CSGALNACT1: variants seen among roughly 807,000 people sequenced by gnomAD.
CSGALNACT1 encodes chondroitin sulfate N-acetylgalactosaminyltransferase 1.
Under a neutral mutation model 51.0 loss-of-function variants are expected in CSGALNACT1, and 52 were observed. That is an observed-to-expected ratio of 1.02 (90% confidence interval 0.82 to 1.29). CSGALNACT1 has a LOEUF of 1.29. Among genes scored for constraint, CSGALNACT1 ranks in the 50% most tolerant of loss-of-function variants. CSGALNACT1 has a pLI of 0.00. For synonymous variants in CSGALNACT1, 341 were observed against 254.4 expected (o/e 1.34, Z -3.24); for missense variants, 935 against 679.2 (o/e 1.38, Z -4.19).
At chr8:19,605,355 G>A (rs1440708257), upstream of CSGALNACT1, among the ~76,000 whole-genome samples, 1 of 152,190 alleles carries the variant, frequency 6.6e-6, no homozygotes, top group African/African-American at 2.4e-5. Context: ...AGAATGACTG[G>A]AATCTAGGAG....
rs2054023542 is a variant in CSGALNACT1, at chr8:19,405,812, G to A, written c.1567C>T (p.Gln523Ter). 1.2e-6 allele frequency: 2 copies of A among 1,614,002 alleles called. No individual in the cohort carries two copies. The highest frequency in any genetic ancestry group is 1.3e-5 in the African/African-American group (1 of 74,900). The change falls in exon 10 of 10, where the codon CAG becomes TAG. Residue 523 changes from glutamine to a stop codon, truncating the protein, a stop_gained. Coordinates refer to ENST00000454498, the Ensembl canonical transcript of CSGALNACT1. LOFTEE classifies it high-confidence loss of function. ...TTTTTGCTACTTGTCTTCTGTTTCT[G>A]TTTGCGAAGGTGAGCCTCTATCTCG... is the stretch of plus-strand genomic sequence containing the variant.
chr8:19,657,224 AGATAAACTGAAAGAT>A (rs1341822384), intron 1 of CSGALNACT1, among the ~76,000 whole-genome samples: 138 of 120,570 alleles, frequency 1.1e-3, no homozygotes, highest in African/African-American at 4.2e-3. Flanking sequence ...AGAAAGACAC[AGATAAACTGAAAGAT>A]GATAAACTGA....
intron 1 of CSGALNACT1, among the ~76,000 whole-genome samples, chr8:19,697,135 G>A (rs1312023081): frequency 6.6e-6 from 1 of 152,116 alleles, no homozygotes; most frequent in Non-Finnish European, 1.5e-5. Flanking sequence ...GAGAGTGGAG[G>A]ATGGCCAGAA....
At chr8:19,702,318 G>C (rs2061924894) in intron 1 of CSGALNACT1, among the ~76,000 whole-genome samples, 1 of 151,976 alleles carries the variant, frequency 6.6e-6, no homozygotes, top group Non-Finnish European at 1.5e-5. Flanking sequence ...TCTGAGACCA[G>C]CCTGGGCAAC....
chr8:19,535,201 A>G (rs544684355), intron 3 of CSGALNACT1, among the ~76,000 whole-genome samples: 3 of 152,220 alleles, frequency 2.0e-5, no homozygotes, highest in Admixed American at 2.0e-4. Context: ...ACATTTGAAA[A>G]AAAAATAGAA....
intron 1 of CSGALNACT1, among the ~76,000 whole-genome samples, chr8:19,659,898 G>A (rs545737489): frequency 4.6e-5 from 7 of 152,294 alleles, no homozygotes; most frequent in African/African-American, 1.7e-4. Context: ...CTGAAGAGAT[G>A]GCAGCAAATC....
At position 19,676,081 on chromosome 8, in the gene CSGALNACT1, A is replaced by AT. The variant is rs1397164925; in HGVS notation, c.-544+6391dup. ...AACCACGATGGATGGTGGTTGTCTG[A>AT]TTTAAAAAACAAAACAAAACAAAAA... On this transcript the variant is annotated intron_variant, in intron 1 of 9. Coordinates refer to the CSGALNACT1 transcript ENST00000332246. 1.5e-4 allele frequency among the ~76,000 whole-genome samples: 19 copies of AT among 130,236 alleles called. 1 individual carries two copies. In the South Asian group the frequency reaches 4.3e-3, roughly 29 times the overall value. The allele number at this position is 130,236 out of a possible 152,430, so 85.4% of individuals were successfully genotyped here.
At chr8:19,567,749 C>T (rs1307716395) in intron 3 of CSGALNACT1, among the ~76,000 whole-genome samples, 1 of 151,840 alleles carries the variant, frequency 6.6e-6, no homozygotes, top group Non-Finnish European at 1.5e-5. Flanking sequence ...ATCCAAAATC[C>T]AAATGAAAAC....
chr8:19,554,155 A>C (rs756791237), intron 3 of CSGALNACT1, among the ~76,000 whole-genome samples: 1 of 152,164 alleles, frequency 6.6e-6, no homozygotes, highest in Non-Finnish European at 1.5e-5. Flanking sequence ...TTCAGAACTC[A>C]AAAGAAAAAA....
At chr8:19,559,039 G>T (rs1178689489) in intron 3 of CSGALNACT1, among the ~76,000 whole-genome samples, 1 of 152,066 alleles carries the variant, frequency 6.6e-6, no homozygotes, top group Non-Finnish European at 1.5e-5. Flanking sequence ...AGCAACTGTG[G>T]CTTTCACAAC....
chr8:19,445,950 G>C lies in CSGALNACT1; in HGVS notation c.852-6019C>G, dbSNP rs537174774. The stretch of plus-strand genomic sequence containing the variant: ...AGCACTTTGAGAGGCCGAGGCAGGA[G>C]GATCACTTGAGGTCAGGAGTTCAAG... On this transcript the variant is annotated intron_variant, in intron 5 of 9. Coordinates refer to ENST00000454498, the Ensembl canonical transcript of CSGALNACT1. Among the ~76,000 whole-genome samples, 4 of 152,308 alleles carry C rather than the reference G, an allele frequency of 2.6e-5. No individual in the cohort carries two copies. In the South Asian group the frequency reaches 8.3e-4, roughly 32 times the overall value.
chr8:19,513,404 T>TCTC (rs2078822064), intron 3 of CSGALNACT1, among the ~76,000 whole-genome samples: 1 of 95,070 alleles, frequency 1.1e-5, no homozygotes, highest in African/African-American at 3.4e-5. Flanking sequence ...TCATAGAATT[T>TCTC]TCTCTCTCTC....
At chr8:19,439,921 T>C in exon 6 of CSGALNACT1, 2 of 1,613,972 alleles carry the variant, frequency 1.2e-6, no homozygotes, top group Non-Finnish European at 8.5e-7. Flanking sequence ...TCCTGCTCAA[T>C]GCACATCTCC....
chr8:19,507,526 C>CAAAAAAAA (rs1293553957), intron 3 of CSGALNACT1, among the ~76,000 whole-genome samples: 1 of 51,346 alleles, frequency 1.9e-5, no homozygotes, highest in Admixed American at 1.8e-4. Flanking sequence ...CCATCTTAGC[C>CAAAAAAAA]AGAAAAAAAA....
At position 19,554,033 on chromosome 8, in the gene CSGALNACT1, C is replaced by G. The variant is rs1326610725; in HGVS notation, c.-297+37127G>C. Among the ~76,000 whole-genome samples the G allele has an allele frequency of 3.3e-5, 5 of 151,762 alleles. No homozygotes were observed. The South Asian group carries it at 6.3e-4, about 19-fold the overall frequency. Reference sequence around the variant, plus strand: ...TTCCAGTTTGTCCATTGTTCAACATCCAGTTGGAGCCCCAGAAAAAGTGAA... The same window carrying G: ...TTCCAGTTTGTCCATTGTTCAACATGCAGTTGGAGCCCCAGAAAAAGTGAA... On this transcript the variant is annotated intron_variant, in intron 3 of 9. Transcript: ENST00000454498.
chr8:19,657,304 A>AACTGAAAGATAC (rs2058369742), intron 1 of CSGALNACT1, among the ~76,000 whole-genome samples: 1 of 149,762 alleles, frequency 6.7e-6, no homozygotes, highest in African/African-American at 2.5e-5. Context: ...CTGAAAGATA[A>AACTGAAAGATAC]ACTGAAAGAC....
At chr8:19,700,185 T>C (rs10098471) in intron 1 of CSGALNACT1, among the ~76,000 whole-genome samples, 134,398 of 150,154 alleles carry the variant, frequency 0.9, 60,396 homozygotes, top group African/African-American at 0.97. Context: ...TAAGGCACAA[T>C]GATGTTAAGT....
intron 1 of CSGALNACT1, among the ~76,000 whole-genome samples, chr8:19,627,746 G>T (rs1330535122): frequency 1.3e-5 from 2 of 152,146 alleles, no homozygotes; most frequent in African/African-American, 4.8e-5. Flanking sequence ...GATCACTTGA[G>T]CCTAGGAGTT....
upstream of CSGALNACT1, among the ~76,000 whole-genome samples, chr8:19,605,644 G>C (rs569780905): frequency 2.0e-5 from 3 of 152,226 alleles, no homozygotes; most frequent in Admixed American, 6.5e-5. Flanking sequence ...ATGTGCGTGA[G>C]AGCGGCTGAG....
Sources: allele counts gnomAD v4.1 joint callset (sites outside exome capture counted in the v4.1 genomes callset), GRCh38; gene constraint gnomAD v4.1.1; transcripts MANE v1.5; gene names NCBI Gene and HGNC (gene_info 2026-07-23, HGNC 2026-07-21).